Variants in XKR9 observed in about 807,000 individuals in gnomAD.
XKR9 encodes the protein XK related 9.
In XKR9, 32 loss-of-function variants were observed where a neutral mutation model predicts 32.0. That is an observed-to-expected ratio of 1.00 (90% CI 0.76 to 1.34). The LOEUF (loss-of-function observed/expected upper bound fraction) is 1.34. Ranked by LOEUF, XKR9 falls within the 40% of genes most tolerant of loss-of-function variation. XKR9 has a pLI of 0.00. For synonymous variants in XKR9, 168 were observed against 143.4 expected (o/e 1.17, Z -1.22); for missense variants, 546 against 429.7 (o/e 1.27, Z -2.39).
At chr8:70,849,215 TACAAAACAAA>T in the XKR9 span, among the ~76,000 whole-genome samples, 5 of 151,816 alleles carry the variant, frequency 3.3e-5, no homozygotes, top group East Asian at 1.9e-4. Context: ...CCTCAGCAAA[TACAAAACAAA>T]ACAAAACAAA....
chr8:70,976,589 C>G, the XKR9 span, among the ~76,000 whole-genome samples: 78 of 152,250 alleles, frequency 5.1e-4, no homozygotes, highest in Admixed American at 1.2e-3. Context: ...GGTGCATAAA[C>G]TTTTTGATGT....
At chr8:71,013,138 G>A in the XKR9 span, among the ~76,000 whole-genome samples, 2 of 152,112 alleles carry the variant, frequency 1.3e-5, no homozygotes, top group African/African-American at 2.4e-5. Context: ...AGCTCGTTTC[G>A]AAAAACGAGC....
chr8:71,023,417 G>A, the XKR9 span, among the ~76,000 whole-genome samples: 1 of 152,286 alleles, frequency 6.6e-6, no homozygotes, highest in East Asian at 1.9e-4. Flanking sequence ...CTTAAGTTAT[G>A]TTTTCTTAGT....
At chr8:70,845,776 A>C in the XKR9 span, among the ~76,000 whole-genome samples, 1 of 152,084 alleles carries the variant, frequency 6.6e-6, no homozygotes, top group Non-Finnish European at 1.5e-5. Context: ...AAAAATAATA[A>C]AAAAAACCAA....
the XKR9 span, among the ~76,000 whole-genome samples, chr8:71,037,895 G>A: frequency 6.6e-6 from 1 of 152,144 alleles, no homozygotes; most frequent in African/African-American, 2.4e-5. Flanking sequence ...CCTTATATGG[G>A]TAAACTGTAT....
chr8:70,957,783 C>CTTTTTTT, the XKR9 span, among the ~76,000 whole-genome samples: 31 of 84,810 alleles, frequency 3.7e-4, no homozygotes, highest in Non-Finnish European at 4.5e-4. Flanking sequence ...TTCAGTCTAT[C>CTTTTTTT]TTTTTTTTTT....
At position 70,715,244 on chromosome 8, in the gene XKR9, G is replaced by A. The variant is rs1806050687; in HGVS notation, c.493+8091G>A. 2.6e-5 allele frequency among the ~76,000 whole-genome samples: 4 copies of A among 152,160 alleles called. No individual in the cohort carries two copies. In the South Asian group the frequency reaches 8.3e-4, roughly 32 times the overall value. The stretch of plus-strand genomic sequence containing the variant: ...GTCCCCTATGCTTAAACTAAATGTA[G>A]TCTCAACTTAGTTTCCCTTAGCCAC... On this transcript the variant is annotated intron_variant, in intron 4 of 4. Transcript: ENST00000408926.
chr8:70,998,641 GA>G, the XKR9 span, among the ~76,000 whole-genome samples: 1 of 152,212 alleles, frequency 6.6e-6, no homozygotes, highest in African/African-American at 2.4e-5. Flanking sequence ...TTGTGAACAA[GA>G]ATTTGCTGGA....
the XKR9 span, among the ~76,000 whole-genome samples, chr8:71,032,071 A>G: frequency 2.0e-5 from 3 of 152,220 alleles, no homozygotes; most frequent in African/African-American, 7.2e-5. Flanking sequence ...AGGTGGGTGG[A>G]TCACTTGAGG....
intron 3 of XKR9, among the ~76,000 whole-genome samples, chr8:70,702,377 A>G (rs1046675620): frequency 6.6e-6 from 1 of 152,136 alleles, no homozygotes; most frequent in Non-Finnish European, 1.5e-5. Context: ...TTCCATGTGC[A>G]TTTGAAAAGA....
At chr8:70,732,457 G>T (rs1274629270) in intron 4 of XKR9, among the ~76,000 whole-genome samples, 1 of 152,230 alleles carries the variant, frequency 6.6e-6, no homozygotes, top group East Asian at 1.9e-4. Context: ...GCAGCCACTT[G>T]GGCTGGCCTC....
chr8:70,766,966 A>G (rs1807385141), intron 2 of XKR9, among the ~76,000 whole-genome samples: 1 of 152,228 alleles, frequency 6.6e-6, no homozygotes, highest in Non-Finnish European at 1.5e-5. Context: ...TGTGGTGGAT[A>G]AGCTTTTTGA....
chr8:70,865,504 T>A, the XKR9 span, among the ~76,000 whole-genome samples: 3 of 152,174 alleles, frequency 2.0e-5, no homozygotes, highest in Non-Finnish European at 4.4e-5. Flanking sequence ...ATTTTGCAAT[T>A]GTATTTTTTT....
the XKR9 span, among the ~76,000 whole-genome samples, chr8:70,904,449 T>G: frequency 2.6e-5 from 4 of 152,098 alleles, no homozygotes; most frequent in South Asian, 2.1e-4. Flanking sequence ...CCCTGCTTTT[T>G]TTTGCTTTCC....
chr8:71,056,098 A>T, the XKR9 span, among the ~76,000 whole-genome samples: 2 of 152,240 alleles, frequency 1.3e-5, no homozygotes, highest in East Asian at 3.8e-4. Context: ...AGAGGCCTAC[A>T]TTTAAGGAGT....
At chr8:71,064,591 A>G in the XKR9 span, among the ~76,000 whole-genome samples, 1 of 152,176 alleles carries the variant, frequency 6.6e-6, no homozygotes, top group African/African-American at 2.4e-5. Context: ...ATTCTTTAAC[A>G]TAGTGTTTTC....
At chr8:71,035,684 T>C in the XKR9 span, among the ~76,000 whole-genome samples, 1 of 152,206 alleles carries the variant, frequency 6.6e-6, no homozygotes. Flanking sequence ...GCCTAAATCC[T>C]TATTTAAATC....
the XKR9 span, among the ~76,000 whole-genome samples, chr8:70,909,436 G>A: frequency 6.6e-6 from 1 of 151,970 alleles, no homozygotes. Flanking sequence ...AGATGTGTGG[G>A]TCAGATGGTC....
At chr8:70,684,117 A>C (rs565108928) in intron 3 of XKR9, among the ~76,000 whole-genome samples, 17 of 151,934 alleles carry the variant, frequency 1.1e-4, no homozygotes, top group Non-Finnish European at 2.4e-4. Context: ...TCTACAGTTT[A>C]ATTATATGTT....
Sources: gnomAD v4.1 joint callset for allele counts (sites outside exome capture counted in the v4.1 genomes callset) on GRCh38, gnomAD v4.1.1 for gene constraint, MANE v1.5 for transcripts, NCBI Gene and HGNC (gene_info 2026-07-23, HGNC 2026-07-21) for gene names.